AHCYL2: variants seen among roughly 807,000 people sequenced by gnomAD.
AHCYL2 encodes adenosylhomocysteinase like 2, also known as S-adenosylhomocysteine hydrolase-like protein 2.
AHCYL2 carries 28 observed loss-of-function variants against 81.4 expected under a neutral mutation model. The ratio of observed to expected loss-of-function variants is 0.34; its 90% CI spans 0.25 to 0.47. The LOEUF is 0.47. AHCYL2 is among the 20% of genes least tolerant of loss of function. AHCYL2 has a pLI of 1.00. For synonymous variants in AHCYL2, 272 were observed against 290.2 expected, an observed-to-expected ratio of 0.94 and a Z score of 0.64; for missense variants, 551 against 785.1, an observed-to-expected ratio of 0.70 and a Z score of 3.56.
chr7:129,328,290 G>A (rs1259955352), intron 1 of AHCYL2, among the ~76,000 whole-genome samples: 1 of 152,040 alleles, frequency 6.6e-6, no homozygotes, highest in African/African-American at 2.4e-5. Flanking sequence ...TGATTTGCCT[G>A]TCTCAGCCTC....
chr7:129,343,817 A>C (rs1343401225), intron 1 of AHCYL2, among the ~76,000 whole-genome samples: 1 of 152,220 alleles, frequency 6.6e-6, no homozygotes, highest in East Asian at 1.9e-4. Flanking sequence ...CCAAAATTAG[A>C]AACTTCTATT....
chr7:129,413,130 G>A (rs899783225), intron 11 of AHCYL2, among the ~76,000 whole-genome samples: 2 of 149,358 alleles, frequency 1.3e-5, no homozygotes, highest in African/African-American at 5.0e-5. Context: ...GCATGAGTGA[G>A]CATGCCTGGC....
chr7:129,340,762 T>C (rs1211798351), intron 1 of AHCYL2, among the ~76,000 whole-genome samples: 1 of 152,224 alleles, frequency 6.6e-6, no homozygotes, highest in Admixed American at 6.5e-5. Flanking sequence ...TTTCTATATC[T>C]ATTGAGATCA....
At chr7:129,264,882 T>A (rs1795763405) in intron 1 of AHCYL2, among the ~76,000 whole-genome samples, 1 of 152,206 alleles carries the variant, frequency 6.6e-6, no homozygotes, top group Non-Finnish European at 1.5e-5. Flanking sequence ...AGAATTAAAT[T>A]CAACTGCATA....
intron 1 of AHCYL2, chr7:129,351,411 C>G (rs1793559117): frequency 6.6e-6 from 1 of 152,142 alleles, no homozygotes; most frequent in South Asian, 2.1e-4. Flanking sequence ...ATTTATTCAG[C>G]CTGATGACGT....
chr7:129,382,335 C>T (rs1327537280), intron 2 of AHCYL2, among the ~76,000 whole-genome samples: 1 of 152,190 alleles, frequency 6.6e-6, no homozygotes, highest in African/African-American at 2.4e-5. Flanking sequence ...CACAGTGGCT[C>T]ATGCCTGTAA....
intron 1 of AHCYL2, among the ~76,000 whole-genome samples, chr7:129,237,744 C>T (rs1212837892): frequency 6.6e-6 from 1 of 151,990 alleles, no homozygotes; most frequent in Non-Finnish European, 1.5e-5. Flanking sequence ...TATTATTATT[C>T]TGAGACAGAG....
chr7:129,369,517 C>G (rs1794272689), intron 1 of AHCYL2, among the ~76,000 whole-genome samples: 1 of 141,278 alleles, frequency 7.1e-6, no homozygotes, highest in Non-Finnish European at 1.6e-5. Context: ...TATTGCTGTT[C>G]TTCTTAATGT....
chr7:129,318,518 A>G (rs1797902140), intron 1 of AHCYL2, among the ~76,000 whole-genome samples: 1 of 152,256 alleles, frequency 6.6e-6, no homozygotes, highest in South Asian at 2.1e-4. Context: ...GGCATTTTAA[A>G]TCCATGGTGG....
chr7:129,251,580 G>A (rs1353968058), intron 1 of AHCYL2, among the ~76,000 whole-genome samples: 5 of 151,752 alleles, frequency 3.3e-5, no homozygotes, highest in Non-Finnish European at 7.4e-5. Context: ...AACACATCTC[G>A]CCTCCTTTAC....
At chr7:129,277,464 G>A (rs1278176855) in intron 1 of AHCYL2, among the ~76,000 whole-genome samples, 1 of 151,966 alleles carries the variant, frequency 6.6e-6, no homozygotes, top group African/African-American at 2.4e-5. Flanking sequence ...ATTTTTAGTG[G>A]AGACAGGGTT....
intron 1 of AHCYL2, among the ~76,000 whole-genome samples, chr7:129,251,342 TA>T (rs1795244654): frequency 1.8e-5 from 2 of 109,354 alleles, no homozygotes; most frequent in African/African-American, 6.0e-5. Flanking sequence ...TTTTTTTTTT[TA>T]AATAAGAGTG....
chr7:129,361,614 T>C (rs921865974), intron 1 of AHCYL2, among the ~76,000 whole-genome samples: 1 of 152,104 alleles, frequency 6.6e-6, no homozygotes, highest in African/African-American at 2.4e-5. Flanking sequence ...TTAACAATAA[T>C]AGTTATTTTA....
intron 1 of AHCYL2, among the ~76,000 whole-genome samples, chr7:129,273,385 A>G (rs200325953): frequency 4.8e-5 from 6 of 125,208 alleles, no homozygotes; most frequent in African/African-American, 1.5e-4. Flanking sequence ...CTGGAGTGCA[A>G]TGGCATGATC....
Position 129,389,680 on chromosome 7 carries a change from G to A in AHCYL2, c.666G>A (p.Lys222=). Residue 222 remains lysine, a synonymous_variant, in exon 4 of 17, where the codon AAG becomes AAA. Transcript: ENST00000325006. Reference sequence around the variant, plus strand: ...TGAGGAAGAGAGCTCAAGGAGAAAAGCCTTTGGCTGGAGCCAAAATCGTGG... The same window carrying A: ...TGAGGAAGAGAGCTCAAGGAGAAAAACCTTTGGCTGGAGCCAAAATCGTGG... ...MALRKRAQGE[K]PLAGAKIVGC... 1 of 1,613,830 alleles carries A rather than the reference G, an allele frequency of 6.2e-7. No homozygotes were observed. Among genetic ancestry groups the A allele is most frequent in the Non-Finnish European group, 8.5e-7 (1 of 1,179,822 alleles).
At chr7:129,259,474 A>G (rs552541538) in intron 1 of AHCYL2, among the ~76,000 whole-genome samples, 6 of 152,184 alleles carry the variant, frequency 3.9e-5, no homozygotes, top group Non-Finnish European at 8.8e-5. Context: ...TAGAGATTAG[A>G]TGACTGGAGG....
chr7:129,371,008 C>T (rs1184295563), intron 1 of AHCYL2, among the ~76,000 whole-genome samples: 5 of 152,144 alleles, frequency 3.3e-5, no homozygotes, highest in Admixed American at 2.0e-4. Flanking sequence ...AGCCACTTAG[C>T]CAAGAAAGCT....
At chr7:129,300,901 C>A (rs1025786976) in intron 1 of AHCYL2, among the ~76,000 whole-genome samples, 1 of 152,180 alleles carries the variant, frequency 6.6e-6, no homozygotes, top group Non-Finnish European at 1.5e-5. Context: ...GTGGCACAAT[C>A]TCAGCTCACT....
intron 1 of AHCYL2, among the ~76,000 whole-genome samples, chr7:129,339,916 C>CT (rs774989478): frequency 0.82 from 85,528 of 104,414 alleles, 36,931 homozygotes; most frequent in Non-Finnish European, 0.9. Flanking sequence ...TTCCTCTGCT[C>CT]TTTTTTTTTT....
Sources: allele counts gnomAD v4.1 joint callset (sites outside exome capture counted in the v4.1 genomes callset), GRCh38; gene constraint gnomAD v4.1.1; transcripts MANE v1.5; gene names NCBI Gene and HGNC (gene_info 2026-07-23, HGNC 2026-07-21).